AJAP1: variants seen among roughly 807,000 people sequenced by gnomAD.
AJAP1 encodes the protein adherens junctions associated protein 1, also known as adherens junction-associated protein 1.
A neutral mutation model predicts 35.0 loss-of-function variants in AJAP1; 5 were observed. That is an observed-to-expected ratio of 0.14 (90% CI 0.07 to 0.30). The LOEUF (loss-of-function observed/expected upper bound fraction) is 0.30. Ranked by LOEUF, AJAP1 falls within the 10% of genes least tolerant of loss-of-function variation. The pLI, the probability that AJAP1 is intolerant of heterozygous loss-of-function variation, is 1.00. For synonymous variants in AJAP1, 284 were observed against 249.3 expected (o/e 1.14, Z -1.31); for missense variants, 586 against 571.0 (o/e 1.03, Z -0.27).
chr1:4,675,980 C>T, intron 1 of AJAP1, among the ~76,000 whole-genome samples: 1 of 152,224 alleles, frequency 6.6e-6, no homozygotes, highest in East Asian at 1.9e-4. Context: ...GGCTGGGACG[C>T]CCACGTTTAG....
At chr1:4,726,602 C>A (rs544803703) in intron 2 of AJAP1, among the ~76,000 whole-genome samples, 1 of 152,086 alleles carries the variant, frequency 6.6e-6, no homozygotes, top group African/African-American at 2.4e-5. Context: ...CCTCAGCCCC[C>A]ACTGTGTGGC....
At chr1:4,664,496 C>T (rs1639073100) in intron 1 of AJAP1, among the ~76,000 whole-genome samples, 2 of 152,140 alleles carry the variant, frequency 1.3e-5, no homozygotes, top group Non-Finnish European at 2.9e-5. Context: ...GTGGTTGGGC[C>T]CAAGGGTCAG....
At chr1:4,697,651 G>A (rs1639895515) in intron 1 of AJAP1, among the ~76,000 whole-genome samples, 1 of 152,232 alleles carries the variant, frequency 6.6e-6, no homozygotes, top group South Asian at 2.1e-4. Flanking sequence ...AGTGACCTTG[G>A]GCAGGTGCGC....
At chr1:4,676,881 G>C (rs1461121052) in intron 1 of AJAP1, among the ~76,000 whole-genome samples, 2 of 152,254 alleles carry the variant, frequency 1.3e-5, no homozygotes, top group African/African-American at 2.4e-5. Flanking sequence ...AAATGGCCAG[G>C]GGCCGTGGCT....
At chr1:4,695,487 C>G (rs868638189) in intron 1 of AJAP1, among the ~76,000 whole-genome samples, 1 of 152,186 alleles carries the variant, frequency 6.6e-6, no homozygotes, top group Non-Finnish European at 1.5e-5. Flanking sequence ...AGCCATGAGG[C>G]TCCAGGGGAG....
intron 2 of AJAP1, among the ~76,000 whole-genome samples, chr1:4,769,341 C>T (rs1419289285): frequency 6.6e-6 from 1 of 152,168 alleles, no homozygotes; most frequent in Non-Finnish European, 1.5e-5. Flanking sequence ...TTTACCTCCC[C>T]AATATGTACT....
intron 1 of AJAP1, among the ~76,000 whole-genome samples, chr1:4,708,980 T>C (rs1640162366): frequency 6.6e-6 from 1 of 152,198 alleles, no homozygotes; most frequent in South Asian, 2.1e-4. Context: ...ACTGTTGCAA[T>C]TGGTTGGTTT....
chr1:4,746,537 C>A (rs776665858), intron 2 of AJAP1, among the ~76,000 whole-genome samples: 1 of 152,168 alleles, frequency 6.6e-6, no homozygotes, highest in Non-Finnish European at 1.5e-5. Context: ...AGGCTCCCAA[C>A]ACATGGTAAC....
rs3086642 is a variant in AJAP1 at position 4,790,916 on chromosome 1, T to TTTTTTGTTTTTGTTTTTG, written c.*8454_*8471dup. ...CTGGTCTTCTCAGAAGTGTTTCTGTTTTTTTGTTTTTGTTTTTGTTTTTGT... is the reference window on the plus strand; with the variant it reads ...CTGGTCTTCTCAGAAGTGTTTCTGTTTTTTTGTTTTTGTTTTTGTTTTTGTTTTTGTTTTTGTTTTTGT... On this transcript the variant is annotated 3_prime_UTR_variant, in exon 6 of 6. Coordinates refer to ENST00000378191, the MANE Select transcript of AJAP1 (RefSeq NM_018836.4). The TTTTTTGTTTTTGTTTTTG allele has an allele frequency of 1.7e-4, 26 of 149,212 alleles. 1 individual carries two copies. The highest frequency in any genetic ancestry group is 5.2e-4 in the African/African-American group (21 of 40,372). The allele number at this position is 149,212 out of a possible 1,614,324, so 9.2% of individuals were successfully genotyped here. A position where few individuals can be genotyped will look rare whatever the true frequency, so the allele number is the denominator to read the frequency against.
chr1:4,702,657 C>G (rs1357864647), intron 1 of AJAP1, among the ~76,000 whole-genome samples: 3 of 152,142 alleles, frequency 2.0e-5, no homozygotes, highest in African/African-American at 4.8e-5. Flanking sequence ...GGGTGAGTTG[C>G]AGGGAGTGCT....
chr1:4,751,783 G>A (rs1641325855), intron 2 of AJAP1, among the ~76,000 whole-genome samples: 1 of 152,202 alleles, frequency 6.6e-6, no homozygotes, highest in Non-Finnish European at 1.5e-5. Context: ...AAGCACTCAC[G>A]CTCTCTGCAA....
intron 1 of AJAP1, among the ~76,000 whole-genome samples, chr1:4,683,641 C>G (rs1331643687): frequency 6.6e-6 from 1 of 152,164 alleles, no homozygotes; most frequent in African/African-American, 2.4e-5. Context: ...ACAGTCTTTC[C>G]CCCGGGGACT....
At chr1:4,701,392 C>T (rs1467850516) in intron 1 of AJAP1, among the ~76,000 whole-genome samples, 3 of 152,222 alleles carry the variant, frequency 2.0e-5, no homozygotes, top group Non-Finnish European at 4.4e-5. Context: ...CCAAAGCCGT[C>T]TCATGTCACC....
chr1:4,784,107 CAG>C lies in AJAP1; in HGVS notation c.*1623_*1624del, dbSNP rs1481944378. 2 of 152,170 alleles carry C rather than the reference CAG, an allele frequency of 1.3e-5. No homozygotes were observed. The highest frequency in any genetic ancestry group is 1.9e-4 in the East Asian group (1 of 5,176). The allele number at this position is 152,170 out of a possible 1,614,324, so 9.4% of individuals were successfully genotyped here. A position where few individuals can be genotyped will look rare whatever the true frequency, so the allele number is the denominator to read the frequency against. Reference sequence around the variant, plus strand: ...CCTACTATAAACTACCCAGTGGAAACAGGGGCCCCAGACCTGAGCCTCAGTAC... The same window carrying C: ...CCTACTATAAACTACCCAGTGGAAACGGGCCCCAGACCTGAGCCTCAGTAC... On this transcript the variant is annotated 3_prime_UTR_variant, in exon 6 of 6. Transcript: ENST00000378191.
intron 2 of AJAP1, among the ~76,000 whole-genome samples, chr1:4,746,147 G>A (rs7532708): frequency 0.11 from 16,883 of 152,154 alleles, 996 homozygotes; most frequent in South Asian, 0.19. Flanking sequence ...AGCCTTCCTC[G>A]CTGCTTCCAG....
chr1:4,711,920 C>G lies in AJAP1; in HGVS notation c.50C>G (p.Pro17Arg). Residue 17 changes from proline (P) to arginine (R), a missense_variant, in exon 2 of 6, where the codon CCG becomes CGG. Pro to Arg is a moderately radical substitution (Grantham distance 103). Transcript: ENST00000378191. The stretch of plus-strand genomic sequence containing the variant: ...CACAGCTCCATGTCCATCCGCTGGC[C>G]GGGCCGCCCCCTCGGAAGCCATGCC... ...LGLSSMSIRW[P>R]GRPLGSHAWI... 1 of 1,513,166 alleles carries G rather than the reference C, an allele frequency of 6.6e-7. No individual in the cohort carries two copies. The highest frequency in any genetic ancestry group is 8.8e-7 in the Non-Finnish European group (1 of 1,135,674). 93.7% of individuals were successfully genotyped at this position (1,513,166 alleles called of 1,614,324 possible). A position where few individuals can be genotyped will look rare whatever the true frequency, so the allele number is the denominator to read the frequency against.
At chr1:4,714,307 C>T (rs895994038) in intron 2 of AJAP1, among the ~76,000 whole-genome samples, 2 of 152,196 alleles carry the variant, frequency 1.3e-5, no homozygotes, top group East Asian at 1.9e-4. Flanking sequence ...TGGGAATCCA[C>T]GGACATGCGG....
At position 4,787,759 on chromosome 1, in the gene AJAP1, G is replaced by A. The variant is rs1488111359; in HGVS notation, c.*5274G>A. ...AGCCAGGTCTCAAGGAGGATAAGGG[G>A]GTTCAACGTCAGCGACTTGGCCCAC... On this transcript the variant is annotated 3_prime_UTR_variant, in exon 6 of 6. Coordinates refer to ENST00000378191, the MANE Select transcript of AJAP1 (RefSeq NM_018836.4). 4 of 454,482 alleles carry A rather than the reference G, an allele frequency of 8.8e-6. No homozygotes were observed. The Admixed American group carries it at 9.4e-5, about 11-fold the overall frequency. 28.2% of individuals were successfully genotyped at this position (454,482 alleles called of 1,614,324 possible). A position where few individuals can be genotyped will look rare whatever the true frequency, so the allele number is the denominator to read the frequency against.
chr1:4,702,503 G>A (rs1398635317), intron 1 of AJAP1, among the ~76,000 whole-genome samples: 3 of 152,376 alleles, frequency 2.0e-5, no homozygotes, highest in Admixed American at 6.5e-5. Flanking sequence ...GGGCTTGACC[G>A]TGGAACCCTT....
Sources: gnomAD v4.1 joint callset for allele counts (sites outside exome capture counted in the v4.1 genomes callset) on GRCh38, gnomAD v4.1.1 for gene constraint, MANE v1.5 for transcripts, NCBI Gene and HGNC (gene_info 2026-07-23, HGNC 2026-07-21) for gene names.